The following GRM5 variants were observed in gnomAD, a reference collection of about 807,000 sequenced individuals.
GRM5 encodes glutamate metabotropic receptor 5.
GRM5 carries 19 observed loss-of-function variants against 83.1 expected under a neutral mutation model. That is an observed-to-expected ratio of 0.23 (90% CI 0.16 to 0.34). GRM5 has a LOEUF of 0.34. Ranked by LOEUF, GRM5 falls within the 10% of genes least tolerant of loss-of-function variation. The pLI, the probability that GRM5 is intolerant of heterozygous loss-of-function variation, is 1.00. For synonymous variants in GRM5, 675 were observed against 633.6 expected, an observed-to-expected ratio of 1.07 and a Z score of -0.98; for missense variants, 1,160 against 1,588.3, an observed-to-expected ratio of 0.73 and a Z score of 4.58.
chr11:88,803,261 C>T (rs1479718899), intron 3 of GRM5, among the ~76,000 whole-genome samples: 8 of 151,512 alleles, frequency 5.3e-5, no homozygotes, highest in Non-Finnish European at 7.4e-5. Flanking sequence ...AAGCTGGAGG[C>T]ATCACGCTAC....
At chr11:88,733,224 T>C (rs1216551536) in intron 3 of GRM5, among the ~76,000 whole-genome samples, 2 of 152,026 alleles carry the variant, frequency 1.3e-5, no homozygotes, top group African/African-American at 4.8e-5. Context: ...CTTAGCTGCT[T>C]ATCCCCAGCA....
intron 2 of GRM5, among the ~76,000 whole-genome samples, chr11:89,019,249 C>T (rs1158357819): frequency 6.6e-6 from 1 of 152,210 alleles, no homozygotes; most frequent in African/African-American, 2.4e-5. Flanking sequence ...GAAGAAAGTG[C>T]CATTCTTATT....
chr11:88,952,521 C>A (rs953697173), intron 2 of GRM5, among the ~76,000 whole-genome samples: 3 of 152,088 alleles, frequency 2.0e-5, no homozygotes, highest in Non-Finnish European at 2.9e-5. Flanking sequence ...ATGCAAAATT[C>A]ATACCCCAAA....
intron 3 of GRM5, among the ~76,000 whole-genome samples, chr11:88,727,888 A>C (rs1390883704): frequency 3.3e-5 from 5 of 152,170 alleles, no homozygotes; most frequent in Non-Finnish European, 7.4e-5. Flanking sequence ...AGCAGTGTTT[A>C]GAGGGAGATT....
intron 3 of GRM5, among the ~76,000 whole-genome samples, chr11:88,693,540 T>A (rs931165273): frequency 2.2e-4 from 34 of 152,090 alleles, no homozygotes; most frequent in Non-Finnish European, 4.9e-4. Flanking sequence ...GGCTGGGAGC[T>A]TAGTCTAATG....
chr11:88,952,474 T>C (rs1220437338), intron 2 of GRM5, among the ~76,000 whole-genome samples: 2 of 152,166 alleles, frequency 1.3e-5, no homozygotes, highest in Non-Finnish European at 2.9e-5. Flanking sequence ...GTAAATGGTA[T>C]TGGTATGCAT....
intron 2 of GRM5, among the ~76,000 whole-genome samples, chr11:89,040,531 CA>C (rs1189767902): frequency 1.3e-5 from 2 of 151,954 alleles, no homozygotes; most frequent in Non-Finnish European, 2.9e-5. Context: ...CTCATCTCTA[CA>C]AAAAATTAAA....
chr11:88,940,639 A>G (rs1938060144), intron 2 of GRM5, among the ~76,000 whole-genome samples: 1 of 151,886 alleles, frequency 6.6e-6, no homozygotes, highest in Admixed American at 6.6e-5. Flanking sequence ...AAATAATTCA[A>G]GTAACTCTGA....
chr11:88,994,461 A>G (rs1940105134), intron 2 of GRM5, among the ~76,000 whole-genome samples: 1 of 119,402 alleles, frequency 8.4e-6, no homozygotes, highest in Non-Finnish European at 1.8e-5. Flanking sequence ...ATATATATAT[A>G]TATATATATA....
intron 2 of GRM5, among the ~76,000 whole-genome samples, chr11:89,022,368 C>A (rs1941005283): frequency 6.6e-6 from 1 of 151,742 alleles, no homozygotes; most frequent in Non-Finnish European, 1.5e-5. Context: ...ATAGGCTGGG[C>A]GCGGTGGCTC....
At chr11:88,576,844 A>C (rs1370641191) in intron 7 of GRM5, among the ~76,000 whole-genome samples, 1 of 152,174 alleles carries the variant, frequency 6.6e-6, no homozygotes, top group Non-Finnish European at 1.5e-5. Context: ...CACACATAAT[A>C]GGAGCTATAA....
intron 2 of GRM5, among the ~76,000 whole-genome samples, chr11:88,972,684 T>C (rs1939203972): frequency 6.6e-6 from 1 of 152,122 alleles, no homozygotes; most frequent in Admixed American, 6.6e-5. Context: ...AAATCTGGTG[T>C]GTAAAAGACT....
chr11:88,955,969 T>C (rs1938598656), intron 2 of GRM5, among the ~76,000 whole-genome samples: 1 of 152,264 alleles, frequency 6.6e-6, no homozygotes, highest in South Asian at 2.1e-4. Context: ...TCTTAAATAA[T>C]GCTGGTTACA....
chr11:88,710,509 T>C (rs1941259370), intron 3 of GRM5, among the ~76,000 whole-genome samples: 1 of 152,100 alleles, frequency 6.6e-6, no homozygotes, highest in Admixed American at 6.6e-5. Flanking sequence ...TCACTTAAGT[T>C]ACTCAGAACT....
At chr11:88,736,048 A>AATC (rs1226537368) in intron 3 of GRM5, among the ~76,000 whole-genome samples, 1 of 152,128 alleles carries the variant, frequency 6.6e-6, no homozygotes, top group Non-Finnish European at 1.5e-5. Flanking sequence ...TCATTTAGAC[A>AATC]ATCATTTAGA....
intron 3 of GRM5, among the ~76,000 whole-genome samples, chr11:88,737,203 A>G (rs1941933128): frequency 6.6e-6 from 1 of 152,084 alleles, no homozygotes; most frequent in Non-Finnish European, 1.5e-5. Flanking sequence ...TTATGCTCAG[A>G]CACAGATTTC....
At chr11:88,643,233 G>A (rs1163833130) in intron 4 of GRM5, among the ~76,000 whole-genome samples, 1 of 150,894 alleles carries the variant, frequency 6.6e-6, no homozygotes, top group Non-Finnish European at 1.5e-5. Flanking sequence ...GGCCAGAGCA[G>A]GAGCAAAAGA....
At chr11:88,958,976 G>A (rs1255524366) in intron 2 of GRM5, among the ~76,000 whole-genome samples, 1 of 151,974 alleles carries the variant, frequency 6.6e-6, no homozygotes, top group Non-Finnish European at 1.5e-5. Context: ...GAAGATAGTT[G>A]GATTTTTATA....
intron 2 of GRM5, among the ~76,000 whole-genome samples, chr11:89,040,021 C>T (rs553913712): frequency 9.2e-5 from 14 of 151,642 alleles, no homozygotes; most frequent in Middle Eastern, 3.4e-3. Flanking sequence ...TGTTGCCCAC[C>T]CTATGTCCAA....
Sources: gnomAD v4.1 joint callset for allele counts (sites outside exome capture counted in the v4.1 genomes callset) on GRCh38, gnomAD v4.1.1 for gene constraint, MANE v1.5 for transcripts, NCBI Gene and HGNC (gene_info 2026-07-23, HGNC 2026-07-21) for gene names.